PRKCE: variants seen among roughly 807,000 people sequenced by gnomAD.
The protein encoded by PRKCE is protein kinase C epsilon.
PRKCE carries 16 observed loss-of-function variants against 85.4 expected under a neutral mutation model. That is an observed-to-expected ratio of 0.19 (90% CI 0.13 to 0.28). The LOEUF (loss-of-function observed/expected upper bound fraction) is 0.28. Among genes scored for constraint, PRKCE ranks in the 10% least tolerant of loss-of-function variants. The probability of loss-of-function intolerance (pLI) is 1.00; values close to 1 mark genes in which losing one functional copy is unlikely to be tolerated. For missense variants in PRKCE, 573 were observed against 975.2 expected (o/e 0.59, Z 5.49); for synonymous variants, 388 against 371.5 (o/e 1.04, Z -0.51).
chr2:45,828,398 TC>T (rs1453896355), intron 1 of PRKCE, among the ~76,000 whole-genome samples: 1 of 152,174 alleles, frequency 6.6e-6, no homozygotes, highest in East Asian at 1.9e-4. Flanking sequence ...AGACTCCGTC[TC>T]AAAAAAATAA....
intron 2 of PRKCE, among the ~76,000 whole-genome samples, chr2:45,936,952 A>G (rs1177998378): frequency 6.6e-6 from 1 of 152,176 alleles, no homozygotes; most frequent in Non-Finnish European, 1.5e-5. Flanking sequence ...TCAGACTGTG[A>G]CATTGAATTT....
intron 11 of PRKCE, among the ~76,000 whole-genome samples, chr2:46,127,959 A>T (rs995519905): frequency 1.3e-5 from 2 of 152,206 alleles, no homozygotes; most frequent in African/African-American, 4.8e-5. Flanking sequence ...ACTGCCTCAA[A>T]AGTCACAGGA....
At chr2:45,804,045 T>G (rs886648461) in intron 1 of PRKCE, among the ~76,000 whole-genome samples, 11 of 152,196 alleles carry the variant, frequency 7.2e-5, no homozygotes, top group African/African-American at 2.7e-4. Context: ...TCTCCCTTAC[T>G]AGACAGAGGG....
At position 46,159,784 on chromosome 2, in the gene PRKCE, T is replaced by C; in HGVS notation, c.2067+32T>C. ...TGGTCCCCGTGCACGTTCAGCACCA[T>C]GGGTCGGGCCCAGGTACTTGCAGGA... On this transcript the variant is annotated intron_variant, in intron 14 of 14. Coordinates refer to ENST00000306156, the MANE Select transcript of PRKCE (RefSeq NM_005400.3). The surrounding 1 kb of genome is among the most constrained non-coding windows in gnomAD (Gnocchi z 4.1). The C allele has an allele frequency of 6.3e-7, 1 of 1,597,328 alleles. No individual in the cohort carries two copies.
chr2:45,857,580 T>G (rs1204691574), intron 2 of PRKCE, among the ~76,000 whole-genome samples: 1 of 152,180 alleles, frequency 6.6e-6, no homozygotes, highest in Non-Finnish European at 1.5e-5. Flanking sequence ...GATTGGTTTG[T>G]TTATTTATTT....
intron 10 of PRKCE, among the ~76,000 whole-genome samples, chr2:46,065,335 G>T (rs1482349648): frequency 6.6e-6 from 1 of 151,978 alleles, no homozygotes; most frequent in Non-Finnish European, 1.5e-5. Context: ...AAACAGTTTT[G>T]GGGTTTGTCA....
chr2:45,722,697 A>AGATTTGGCCCATTTCCACTT (rs1680718483), intron 1 of PRKCE, among the ~76,000 whole-genome samples: 1 of 152,252 alleles, frequency 6.6e-6, no homozygotes, highest in Non-Finnish European at 1.5e-5. Flanking sequence ...GAGTGGTGAC[A>AGATTTGGCCCATTTCCACTT]GATTTGGCCC....
At chr2:45,658,384 G>C (rs1675481402) in intron 1 of PRKCE, among the ~76,000 whole-genome samples, 1 of 152,190 alleles carries the variant, frequency 6.6e-6, no homozygotes, top group Non-Finnish European at 1.5e-5. Flanking sequence ...TTCATGGACA[G>C]TCAAGCGTTG....
intron 10 of PRKCE, among the ~76,000 whole-genome samples, chr2:46,083,079 G>C (rs1198812191): frequency 1.3e-5 from 2 of 152,302 alleles, no homozygotes; most frequent in Non-Finnish European, 2.9e-5. Flanking sequence ...AGCCTCCTGA[G>C]TAGCTGGGAT....
At chr2:45,766,657 T>G (rs1684935563) in intron 1 of PRKCE, among the ~76,000 whole-genome samples, 1 of 152,204 alleles carries the variant, frequency 6.6e-6, no homozygotes, top group Non-Finnish European at 1.5e-5. Context: ...TACATGTTGG[T>G]TAGGGTGACT....
At chr2:45,666,449 C>T (rs1675916721) in intron 1 of PRKCE, among the ~76,000 whole-genome samples, 1 of 151,874 alleles carries the variant, frequency 6.6e-6, no homozygotes, top group South Asian at 2.1e-4. Flanking sequence ...CTTCCATTTT[C>T]TGCCAGGTGG....
intron 7 of PRKCE, among the ~76,000 whole-genome samples, chr2:46,003,311 T>G (rs1011828143): frequency 6.6e-6 from 1 of 151,796 alleles, no homozygotes; most frequent in Non-Finnish European, 1.5e-5. Context: ...AGACCAAGAG[T>G]TAGTACTAAA....
chr2:46,181,589 C>G (rs1338116091), intron 14 of PRKCE, among the ~76,000 whole-genome samples: 3 of 152,224 alleles, frequency 2.0e-5, no homozygotes, highest in African/African-American at 7.2e-5. Context: ...TGATTCACAA[C>G]AGCAAGTCGT....
chr2:46,140,631 A>G (rs1011337421), intron 11 of PRKCE, among the ~76,000 whole-genome samples: 12 of 152,216 alleles, frequency 7.9e-5, no homozygotes, highest in Non-Finnish European at 7.4e-5. Context: ...AGCCTTTCAA[A>G]TTAAGACATA....
chr2:45,925,190 C>T (rs1698519497), intron 2 of PRKCE, among the ~76,000 whole-genome samples: 2 of 152,188 alleles, frequency 1.3e-5, no homozygotes, highest in East Asian at 1.9e-4. Context: ...TTCCAAGACT[C>T]GTACTAAGGG....
chr2:45,869,997 C>A (rs568153781), intron 2 of PRKCE, among the ~76,000 whole-genome samples: 3 of 152,142 alleles, frequency 2.0e-5, no homozygotes, highest in Non-Finnish European at 4.4e-5. Context: ...AGAGCCACTG[C>A]GCCCGGCCCC....
intron 2 of PRKCE, among the ~76,000 whole-genome samples, chr2:45,854,171 C>T (rs1380372749): frequency 6.6e-6 from 1 of 152,204 alleles, no homozygotes; most frequent in African/African-American, 2.4e-5. Flanking sequence ...AGAACTGAGA[C>T]CTGGCCCGGT....
intron 2 of PRKCE, among the ~76,000 whole-genome samples, chr2:45,953,252 C>T (rs1229995234): frequency 6.6e-6 from 1 of 152,052 alleles, no homozygotes; most frequent in Non-Finnish European, 1.5e-5. Flanking sequence ...AAACATGAAC[C>T]ATCCCATGTA....
In PRKCE at chr2:45,905,215, C is replaced by G. The variant is rs1317616687; in HGVS notation, c.412+62152C>G. Among the ~76,000 whole-genome samples the G allele has an allele frequency of 6.6e-6, 1 of 152,192 alleles. No individual in the cohort carries two copies. Among genetic ancestry groups the G allele is most frequent in the Non-Finnish European group, 1.5e-5 (1 of 68,040 alleles). On this transcript the variant is annotated intron_variant, in intron 2 of 14. Transcript: ENST00000306156. This position sits in a 1 kb window ranked among gnomAD's most constrained non-coding sequence, Gnocchi z 4.4. ...AGAGCATCCTTGACTTATGGCCAAG[C>G]CTCAGGAACCTCTTGGCTGGCTCTC...
Sources: allele counts gnomAD v4.1 joint callset (sites outside exome capture counted in the v4.1 genomes callset), GRCh38; gene constraint gnomAD v4.1.1; non-coding constraint Gnocchi (gnomAD v3.1); transcripts MANE v1.5; gene names NCBI Gene and HGNC (gene_info 2026-07-23, HGNC 2026-07-21).